Variants in BUB1 observed in about 807,000 individuals in gnomAD.
BUB1 encodes the protein BUB1 mitotic checkpoint serine/threonine kinase.
A neutral mutation model predicts 135.2 loss-of-function variants in BUB1; 84 were observed. The ratio of observed to expected loss-of-function variants is 0.62; its 90% CI spans 0.52 to 0.74. The LOEUF (loss-of-function observed/expected upper bound fraction) is 0.74, where lower values mean the gene tolerates loss of function less well. Among genes scored for constraint, BUB1 ranks in the 30% least tolerant of loss-of-function variants. BUB1 has a pLI of 0.00. For synonymous variants in BUB1, 403 were observed against 434.4 expected (o/e 0.93, Z 0.90); for missense variants, 1,162 against 1,288.3 (o/e 0.90, Z 1.50).
At chr2:110,672,947 T>C (rs1001723038) in intron 3 of BUB1, 90 bp from the exon 4 acceptor site, 1 of 1,338,586 alleles carries the variant, frequency 7.5e-7, no homozygotes, top group Admixed American at 2.8e-5. Flanking sequence ...TGGGAGCCCC[T>C]AGGTAGCTTC....
In BUB1 at chr2:110,663,344, G is replaced by T. The variant is rs550626348; in HGVS notation, c.958-1503C>A. 5.9e-5 allele frequency among the ~76,000 whole-genome samples: 9 copies of T among 152,274 alleles called. No homozygotes were observed. The East Asian group carries it at 1.5e-3, about 26-fold the overall frequency. ...ATCAAGAAGAGATCTACTGACTAAA[G>T]CAAAGGTATAGATATTTTAGAATTG... On this transcript the variant is annotated intron_variant, in intron 9 of 24. Transcript: ENST00000302759.
chr2:110,654,503 T>A (rs1330601663), intron 16 of BUB1, among the ~76,000 whole-genome samples: 1 of 152,192 alleles, frequency 6.6e-6, no homozygotes, highest in Non-Finnish European at 1.5e-5. Flanking sequence ...TACTACTTTT[T>A]AGCACTAGAA....
chr2:110,656,715 G>C (rs1038941571), intron 15 of BUB1, among the ~76,000 whole-genome samples: 5 of 152,210 alleles, frequency 3.3e-5, no homozygotes, highest in Admixed American at 3.3e-4. Flanking sequence ...TCTGAAGCAA[G>C]TCACCAAATC....
chr2:110,666,735 T>G (rs201685457), intron 8 of BUB1, among the ~76,000 whole-genome samples: 2 of 152,152 alleles, frequency 1.3e-5, no homozygotes, highest in East Asian at 3.8e-4. Context: ...ACAATCATGA[T>G]TGTGCAAATC....
At chr2:110,661,880 T>C (rs1349951749) in intron 9 of BUB1, 39 bp from the exon 10 acceptor site, 6 of 1,603,736 alleles carry the variant, frequency 3.7e-6, no homozygotes, top group African/African-American at 1.3e-5. Flanking sequence ...AACAAAACCA[T>C]GAAGTCCAGA....
intron 4 of BUB1, among the ~76,000 whole-genome samples, chr2:110,672,343 T>C (rs1283277202): frequency 6.6e-6 from 1 of 152,232 alleles, no homozygotes; most frequent in Non-Finnish European, 1.5e-5. Flanking sequence ...ACAACTACTA[T>C]AGAAGTAGTT....
Position 110,641,769 on chromosome 2 carries a change from A to C in BUB1, c.2498T>G (p.Ile833Ser), listed in dbSNP as rs200481903. The change falls in exon 21 of 25, where the codon ATT (isoleucine) becomes AGT (serine). Residue 833 changes from isoleucine to serine, a missense_variant. Ile to Ser is a moderately radical substitution (Grantham distance 142). Coordinates refer to ENST00000302759, the MANE Select transcript of BUB1 (RefSeq NM_004336.5). ...QKPANPWEFY[I>S]GTQLMERLKP... is the part of the protein sequence containing the mutation. ...TAGTCTTTCCATCAACTGGGTCCCA[A>C]TGTAGAATTCCCAGGGGTTGGCAGG... The C allele has an allele frequency of 1.9e-6, 3 of 1,608,794 alleles. No individual in the cohort carries two copies. In the Admixed American group the frequency reaches 5.0e-5, roughly 27 times the overall value.
At chr2:110,639,554 G>A (rs1435399708) in intron 24 of BUB1, among the ~76,000 whole-genome samples, 188 bp downstream of exon 24, 1 of 152,128 alleles carries the variant, frequency 6.6e-6, no homozygotes, top group Non-Finnish European at 1.5e-5. Context: ...CCAGTGGGGA[G>A]AGAGAAGTGG....
Position 110,665,399 on chromosome 2 carries a change from G to A in BUB1, c.957+864C>T, listed in dbSNP as rs529023626. Among the ~76,000 whole-genome samples, 68 of 152,102 alleles carry A rather than the reference G, an allele frequency of 4.5e-4. 1 individual carries two copies. Among genetic ancestry groups the A allele is most frequent in the African/African-American group, 1.5e-3 (62 of 41,472 alleles). ...TTGACACCAGGCTGGGCAACATGGC[G>A]AGACCCCATCTCTATAAAAATAAAA... On this transcript the variant is annotated intron_variant, in intron 9 of 24. Transcript: ENST00000302759.
chr2:110,640,062 C>G (rs763092002), intron 23 of BUB1: 2 of 638,348 alleles, frequency 3.1e-6, no homozygotes, highest in Non-Finnish European at 5.8e-6. Flanking sequence ...CTCTGCCCTC[C>G]TGAGCTACCA....
At chr2:110,640,942 C>G (rs936115360) in intron 23 of BUB1, 92 bp downstream of exon 23, 1 of 1,378,532 alleles carries the variant, frequency 7.3e-7, no homozygotes, top group African/African-American at 1.5e-5. Context: ...CAAAAGACCA[C>G]CTCAAACTAC....
intron 14 of BUB1, among the ~76,000 whole-genome samples, 189 bp from the exon 15 acceptor site, chr2:110,657,306 C>A (rs1689958597): frequency 6.6e-6 from 1 of 152,044 alleles, no homozygotes; most frequent in African/African-American, 2.4e-5. Flanking sequence ...TAAAAGTAGA[C>A]CTATCATTAC....
chr2:110,667,878 T>G, intron 6 of BUB1, 29 bp from the exon 7 acceptor site: 1 of 1,604,152 alleles, frequency 6.2e-7, no homozygotes, highest in Non-Finnish European at 8.5e-7. Context: ...ACATGAGCAT[T>G]CACTTATCTG....
At chr2:110,656,974 T>C in intron 15 of BUB1, 62 bp downstream of exon 15, 1 of 1,246,588 alleles carries the variant, frequency 8.0e-7, no homozygotes, top group South Asian at 1.4e-5. Context: ...GGCATAATCA[T>C]TTGGTAGAAT....
Position 110,641,165 on chromosome 2 carries a change from A to G in BUB1, c.2824T>C (p.Leu942=). ...QDDEDDLSAG[L]ALIDLGQSID... ...CTCTGACCCAGGTCAATCAGTGCCA[A>G]GCCAGCAGATAAATCATCTTCATCA... Residue 942 remains leucine, a synonymous_variant, in exon 23 of 25, where the codon TTG becomes CTG. Transcript: ENST00000302759. 1 of 1,609,510 alleles carries G rather than the reference A, an allele frequency of 6.2e-7. No individual in the cohort carries two copies. Among genetic ancestry groups the G allele is most frequent in the Non-Finnish European group, 8.5e-7 (1 of 1,178,586 alleles).
intron 23 of BUB1, 129 bp downstream of exon 23, chr2:110,640,905 A>T: frequency 1.2e-6 from 1 of 869,408 alleles, no homozygotes; most frequent in Non-Finnish European, 1.7e-6. Flanking sequence ...TGTTGGCCTT[A>T]GGCTCATCTC....
At position 110,655,839 on chromosome 2, in the gene BUB1, G is replaced by A. The variant is rs2104534289; in HGVS notation, c.1776C>T (p.Pro592=). 1 of 1,614,032 alleles carries A rather than the reference G, an allele frequency of 6.2e-7. No individual in the cohort carries two copies. ...WGIRCNKTLA[P]SPKSPGDFTS... is the part of the protein sequence containing the mutation. Reference sequence around the variant, plus strand: ...TGAAGTCTCCTGGGCTCTTAGGACTGGGTGCCAGGGTTTTGTTGCAGCGAA... The same window carrying A: ...TGAAGTCTCCTGGGCTCTTAGGACTAGGTGCCAGGGTTTTGTTGCAGCGAA... The change falls in exon 16 of 25, where the codon CCC becomes CCT. Residue 592 remains proline (P), a synonymous_variant. Coordinates refer to ENST00000302759, the MANE Select transcript of BUB1 (RefSeq NM_004336.5).
intron 11 of BUB1, 37 bp downstream of exon 11, chr2:110,659,941 T>A: frequency 1.3e-6 from 2 of 1,570,304 alleles, no homozygotes; most frequent in South Asian, 1.1e-5. Context: ...TACAGAGGAA[T>A]CTGGACAGAA....
At position 110,653,464 on chromosome 2, in the gene BUB1, C is replaced by A. The variant is rs775790459; in HGVS notation, c.1936G>T (p.Val646Leu). ...ATLDSCEENM[V>L]VPSRDGKFSP... Reference sequence around the variant, plus strand: ...AATTTTCCATCCCTTGAAGGCACCACCATGTTTTCCTCACAAGAATCCAAA... The same window carrying A: ...AATTTTCCATCCCTTGAAGGCACCAACATGTTTTCCTCACAAGAATCCAAA... Residue 646 changes from valine to leucine, a missense_variant, in exon 17 of 25, where the codon GTG becomes TTG. By Grantham distance (32) the Val-to-Leu change is conservative. Transcript: ENST00000302759. 1.2e-6 allele frequency: 2 copies of A among 1,613,800 alleles called. No homozygotes were observed. The highest frequency in any genetic ancestry group is 2.7e-5 in the African/African-American group (2 of 74,892).
Sources: gnomAD v4.1 joint callset for allele counts (sites outside exome capture counted in the v4.1 genomes callset) on GRCh38, gnomAD v4.1.1 for gene constraint, MANE v1.5 for transcripts, NCBI Gene and HGNC (gene_info 2026-07-23, HGNC 2026-07-21) for gene names.